The following UTS2 variants were observed in gnomAD, a reference collection of about 807,000 sequenced individuals.
The protein encoded by UTS2 is urotensin 2.
Under a neutral mutation model 12.6 loss-of-function variants are expected in UTS2, and 10 were observed. The observed-to-expected ratio is 0.80, with a 90% confidence interval of 0.49 to 1.35. The LOEUF (loss-of-function observed/expected upper bound fraction) is 1.35. UTS2 is among the 40% of genes most tolerant of loss of function. The pLI, the probability that UTS2 is intolerant of heterozygous loss-of-function variation, is 0.00. For synonymous variants in UTS2, 52 were observed against 50.0 expected (o/e 1.04, Z -0.17); for missense variants, 142 against 143.2 (o/e 0.99, Z 0.04).
At chr1:7,901,074 GT>G in the UTS2 span, among the ~76,000 whole-genome samples, 1 of 152,144 alleles carries the variant, frequency 6.6e-6, no homozygotes, top group African/African-American at 2.4e-5. Flanking sequence ...TCTTAAGTCA[GT>G]TTTGGTAAGT....
chr1:7,885,390 C>T, the UTS2 span, among the ~76,000 whole-genome samples: 175 of 152,230 alleles, frequency 1.1e-3, no homozygotes, highest in Non-Finnish European at 1.9e-3. Context: ...GCGGCCCAAA[C>T]GGAGGTTTCA....
the UTS2 span, among the ~76,000 whole-genome samples, chr1:7,880,187 G>A: frequency 6.6e-6 from 1 of 151,882 alleles, no homozygotes; most frequent in African/African-American, 2.4e-5. Context: ...GAGCCCAGGA[G>A]GTCAAGGTTG....
the UTS2 span, among the ~76,000 whole-genome samples, chr1:7,908,295 TAAAAAAA>T: frequency 9.3e-6 from 1 of 107,874 alleles, no homozygotes; most frequent in Non-Finnish European, 2.0e-5. Context: ...AGACTCCGTC[TAAAAAAA>T]AAAAAAAAAA....
the UTS2 span, among the ~76,000 whole-genome samples, chr1:7,900,255 C>T: frequency 1.3e-5 from 2 of 152,008 alleles, no homozygotes; most frequent in South Asian, 4.1e-4. Context: ...AAAAATTAGC[C>T]AGGCACAGTG....
the UTS2 span, among the ~76,000 whole-genome samples, chr1:7,903,130 C>CCTTTTT: frequency 2.0e-3 from 67 of 33,542 alleles, no homozygotes; most frequent in Non-Finnish European, 2.7e-3. Flanking sequence ...TCCCCTCCTT[C>CCTTTTT]TCCTGCTTCC....
At chr1:7,886,814 A>T in the UTS2 span, among the ~76,000 whole-genome samples, 12 of 152,118 alleles carry the variant, frequency 7.9e-5, no homozygotes, top group Non-Finnish European at 1.3e-4. Flanking sequence ...GCACTTTGGG[A>T]GGCCAAGGCA....
chr1:7,899,994 G>C, the UTS2 span, among the ~76,000 whole-genome samples: 2 of 152,210 alleles, frequency 1.3e-5, no homozygotes, highest in Non-Finnish European at 2.9e-5. Flanking sequence ...GAGAGCGAGA[G>C]TGTACCCAAC....
chr1:7,863,052 T>TTGAGACGAA, the UTS2 span, among the ~76,000 whole-genome samples: 3 of 58,980 alleles, frequency 5.1e-5, no homozygotes, highest in Admixed American at 1.9e-4. Context: ...TGTATTGTAT[T>TTGAGACGAA]GTATTGTATT....
At chr1:7,851,393 A>G (rs1184870502) in intron 1 of UTS2, among the ~76,000 whole-genome samples, 2 of 152,176 alleles carry the variant, frequency 1.3e-5, no homozygotes, top group Non-Finnish European at 2.9e-5. Context: ...GAACTTCAAG[A>G]TTTCAATACA....
At chr1:7,853,482 C>A, upstream of UTS2, 1 of 1,573,000 alleles carries the variant, frequency 6.4e-7, no homozygotes, top group Non-Finnish European at 8.6e-7. Flanking sequence ...GTGTTTAGGG[C>A]TGCCATCCCT....
At chr1:7,893,561 A>AT in the UTS2 span, among the ~76,000 whole-genome samples, 1 of 152,162 alleles carries the variant, frequency 6.6e-6, no homozygotes, top group Non-Finnish European at 1.5e-5. Context: ...AGAAATACCA[A>AT]TTTTGCAAAA....
chr1:7,874,909 C>T, the UTS2 span, among the ~76,000 whole-genome samples: 4 of 152,240 alleles, frequency 2.6e-5, no homozygotes, highest in Admixed American at 6.5e-5. Context: ...TCTCTCCTGT[C>T]GCCATGTGAA....
chr1:7,877,222 A>T, the UTS2 span, among the ~76,000 whole-genome samples: 1 of 152,020 alleles, frequency 6.6e-6, no homozygotes, highest in Non-Finnish European at 1.5e-5. Context: ...AAGGAACACA[A>T]TAATTCTCCA....
chr1:7,890,728 C>CAAAAAAAAAAA, the UTS2 span, among the ~76,000 whole-genome samples: 1 of 107,344 alleles, frequency 9.3e-6, no homozygotes, highest in African/African-American at 3.6e-5. Context: ...CCCATCTCCA[C>CAAAAAAAAAAA]AAAAAAAAAA....
chr1:7,857,107 T>TGAAGGAATGAAGGAAGGAAGGAAGGAAG (rs1638328592), upstream of UTS2, among the ~76,000 whole-genome samples: 11 of 125,370 alleles, frequency 8.8e-5, no homozygotes, highest in African/African-American at 3.4e-4. Context: ...AGAAAAGGAA[T>TGAAGGAATGAAGGAAGGAAGGAAGGAAG]GAAGGAAGGA....
At chr1:7,905,955 C>T in the UTS2 span, among the ~76,000 whole-genome samples, 7 of 129,610 alleles carry the variant, frequency 5.4e-5, no homozygotes, top group South Asian at 5.6e-4. Flanking sequence ...GCTGGGCACA[C>T]GGGGGCCTGA....
At chr1:7,892,561 TC>T in the UTS2 span, among the ~76,000 whole-genome samples, 2 of 132,388 alleles carry the variant, frequency 1.5e-5, no homozygotes, top group Non-Finnish European at 3.1e-5. Context: ...CACTGGAACC[TC>T]CACCTCCAAG....
the UTS2 span, among the ~76,000 whole-genome samples, chr1:7,862,155 C>A: frequency 2.0e-5 from 3 of 148,308 alleles, no homozygotes; most frequent in African/African-American, 7.4e-5. Flanking sequence ...TCAGGTGATT[C>A]CCCCCCCGCC....
intron 2 of UTS2, among the ~76,000 whole-genome samples, chr1:7,850,234 T>C (rs1216993845): frequency 6.6e-6 from 1 of 152,166 alleles, no homozygotes. Flanking sequence ...CCTCCCAAAG[T>C]GCTGGGATTA....
Sources: gnomAD v4.1 joint callset for allele counts (sites outside exome capture counted in the v4.1 genomes callset) on GRCh38, gnomAD v4.1.1 for gene constraint, MANE v1.5 for transcripts, NCBI Gene and HGNC (gene_info 2026-07-23, HGNC 2026-07-21) for gene names.